Variants in KCNH1 observed in about 807,000 individuals in gnomAD.
The protein encoded by KCNH1 is voltage-gated delayed rectifier potassium channel KCNH1.
A neutral mutation model predicts 69.2 loss-of-function variants in KCNH1; 27 were observed. That is an observed-to-expected ratio of 0.39 (90% CI 0.29 to 0.54). The LOEUF is 0.54. Among genes scored for constraint, KCNH1 ranks in the 20% least tolerant of loss-of-function variants. KCNH1 has a pLI of 0.68. For missense variants in KCNH1, 798 were observed against 1,261.6 expected, an observed-to-expected ratio of 0.63 and a Z score of 5.57; for synonymous variants, 456 against 487.7, an observed-to-expected ratio of 0.93 and a Z score of 0.86.
At chr1:211,039,864 A>G (rs1689958957) in intron 5 of KCNH1, among the ~76,000 whole-genome samples, 1 of 152,054 alleles carries the variant, frequency 6.6e-6, no homozygotes, top group African/African-American at 2.4e-5. Context: ...GAGACTTTGG[A>G]CTGTAGACTT....
At chr1:210,826,574 A>C (rs1685035602) in intron 7 of KCNH1, among the ~76,000 whole-genome samples, 1 of 152,172 alleles carries the variant, frequency 6.6e-6, no homozygotes, top group African/African-American at 2.4e-5. Context: ...AATTATTTTT[A>C]CTTTTCCTTT....
At chr1:210,806,806 CCAAAAAAAAAAAAAAAAA>C (rs1170145099) in intron 7 of KCNH1, among the ~76,000 whole-genome samples, 928 of 86,266 alleles carry the variant, frequency 0.011, 139 homozygotes, top group African/African-American at 0.046. Flanking sequence ...CCCATCTCTA[CCAAAAAAAAAAAAAAAAA>C]AAAAAAAAAA....
chr1:210,980,603 G>T (rs187353376), intron 6 of KCNH1, among the ~76,000 whole-genome samples: 25 of 152,294 alleles, frequency 1.6e-4, no homozygotes, highest in Non-Finnish European at 3.1e-4. Context: ...AGAAAGCCCA[G>T]AGGAAAGAAA....
At chr1:210,792,277 G>C (rs930890256) in intron 9 of KCNH1, among the ~76,000 whole-genome samples, 1 of 152,046 alleles carries the variant, frequency 6.6e-6, no homozygotes, top group Non-Finnish European at 1.5e-5. Flanking sequence ...TGTATTTGTG[G>C]AACCCAAATC....
chr1:210,867,578 T>C (rs1384277390), intron 7 of KCNH1, among the ~76,000 whole-genome samples: 1 of 152,004 alleles, frequency 6.6e-6, no homozygotes, highest in Non-Finnish European at 1.5e-5. Context: ...AGTTCATAGT[T>C]TGATGTGTTT....
chr1:210,976,748 A>C (rs893007395), intron 6 of KCNH1, among the ~76,000 whole-genome samples: 2 of 150,664 alleles, frequency 1.3e-5, no homozygotes, highest in Non-Finnish European at 3.0e-5. Context: ...CGTGGCACAT[A>C]CAATGAGATA....
chr1:210,781,079 G>A (rs1156973331), intron 9 of KCNH1, among the ~76,000 whole-genome samples: 5 of 152,046 alleles, frequency 3.3e-5, no homozygotes, highest in Non-Finnish European at 4.4e-5. Context: ...GAAAAGCCAC[G>A]TAAGCCTCTG....
intron 7 of KCNH1, among the ~76,000 whole-genome samples, chr1:210,806,008 C>T (rs1684542757): frequency 1.3e-5 from 2 of 152,138 alleles, no homozygotes; most frequent in Non-Finnish European, 2.9e-5. Context: ...GTTGTTTCTG[C>T]TTTTTGGCTA....
At chr1:211,086,767 C>T (rs1000927461) in intron 4 of KCNH1, among the ~76,000 whole-genome samples, 23 of 152,216 alleles carry the variant, frequency 1.5e-4, no homozygotes, top group South Asian at 1.2e-3. Flanking sequence ...AATTCCAACT[C>T]CTCTGAGAAT....
At chr1:210,944,789 C>T (rs954124637) in intron 6 of KCNH1, among the ~76,000 whole-genome samples, 3 of 152,212 alleles carry the variant, frequency 2.0e-5, no homozygotes, top group African/African-American at 2.4e-5. Context: ...TTTCAACCCT[C>T]GTTAAGTGTA....
intron 6 of KCNH1, among the ~76,000 whole-genome samples, chr1:210,963,643 A>C (rs540235471): frequency 2.2e-3 from 341 of 152,208 alleles, no homozygotes; most frequent in African/African-American, 7.8e-3. Flanking sequence ...TTCATGAAGC[A>C]TACACAAGTA....
At chr1:211,041,064 T>G (rs1409964926) in intron 5 of KCNH1, among the ~76,000 whole-genome samples, 1 of 152,226 alleles carries the variant, frequency 6.6e-6, no homozygotes, top group Non-Finnish European at 1.5e-5. Context: ...CAACTCAACT[T>G]TCTTGCTACA....
intron 5 of KCNH1, among the ~76,000 whole-genome samples, chr1:211,045,652 G>A (rs531076192): frequency 2.6e-5 from 4 of 152,226 alleles, no homozygotes; most frequent in African/African-American, 9.6e-5. Context: ...CATTACTCCA[G>A]AAGAAGTTTC....
intron 10 of KCNH1, among the ~76,000 whole-genome samples, chr1:210,769,879 T>A (rs1421297148): frequency 6.6e-6 from 1 of 152,080 alleles, no homozygotes; most frequent in East Asian, 1.9e-4. Flanking sequence ...CCTCTAAGAC[T>A]GGAGGTGGAA....
chr1:210,831,603 T>C (rs777372893), intron 7 of KCNH1, among the ~76,000 whole-genome samples: 18 of 152,192 alleles, frequency 1.2e-4, no homozygotes, highest in Non-Finnish European at 2.4e-4. Flanking sequence ...TGAGGTCTAA[T>C]AGCTGCAGAA....
chr1:210,947,665 A>G (rs1448549728), intron 6 of KCNH1, among the ~76,000 whole-genome samples: 1 of 152,126 alleles, frequency 6.6e-6, no homozygotes, highest in Non-Finnish European at 1.5e-5. Context: ...GAGATACACC[A>G]CTGGTAAGCA....
rs2149000289 is a variant in KCNH1 at position 210,683,033 on chromosome 1, A to G, written c.*248T>C. The G allele has an allele frequency of 1.9e-6, 1 of 539,320 alleles. No homozygotes were observed. Among genetic ancestry groups the G allele is most frequent in the East Asian group, 3.2e-5 (1 of 31,702 alleles). 33.4% of individuals were successfully genotyped at this position (539,320 alleles called of 1,614,324 possible). ...TGAAGGAAAATACCCTTTAGACAGCATGTCCCTTCTTCCAAAATTGTGCAA... is the reference window on the plus strand; with the variant it reads ...TGAAGGAAAATACCCTTTAGACAGCGTGTCCCTTCTTCCAAAATTGTGCAA... On this transcript the variant is annotated 3_prime_UTR_variant, in exon 11 of 11. Transcript: ENST00000271751. This position sits in a 1 kb window ranked among gnomAD's most constrained non-coding sequence, Gnocchi z 5.7.
Position 210,834,643 on chromosome 1 carries a change from C to G in KCNH1, c.1463-30477G>C, listed in dbSNP as rs563391411. On this transcript the variant is annotated intron_variant, in intron 7 of 10. Coordinates refer to ENST00000271751, the MANE Select transcript of KCNH1 (RefSeq NM_172362.3). The stretch of plus-strand genomic sequence containing the variant: ...GTCACATGTATACATATGTAACTAA[C>G]CTGCACATTGTGCACATGTACCCTA... Among the ~76,000 whole-genome samples the G allele has an allele frequency of 3.0e-3, 444 of 149,606 alleles. 6 individuals are homozygous for G. The highest frequency in any genetic ancestry group is 0.011 in the African/African-American group (427 of 40,404).
chr1:210,826,818 G>T (rs569498852), intron 7 of KCNH1, among the ~76,000 whole-genome samples: 2 of 152,326 alleles, frequency 1.3e-5, no homozygotes, highest in South Asian at 4.1e-4. Flanking sequence ...GTGCCTTTGT[G>T]TGCAGAACCC....
Sources: allele counts gnomAD v4.1 joint callset (sites outside exome capture counted in the v4.1 genomes callset), GRCh38; gene constraint gnomAD v4.1.1; non-coding constraint Gnocchi (gnomAD v3.1); transcripts MANE v1.5; gene names NCBI Gene and HGNC (gene_info 2026-07-23, HGNC 2026-07-21).